TMEM237: variants seen among roughly 807,000 people sequenced by gnomAD.
TMEM237 encodes the protein transmembrane protein 237.
In TMEM237, 51 loss-of-function variants were observed where a neutral mutation model predicts 59.1. The observed-to-expected ratio is 0.86, with a 90% CI of 0.69 to 1.09. The LOEUF is 1.09. Ranked by LOEUF, TMEM237 falls within the 50% of genes least tolerant of loss-of-function variation. The probability of loss-of-function intolerance (pLI) is 0.00; values close to 1 mark genes in which losing one functional copy is unlikely to be tolerated. For missense variants in TMEM237, 475 were observed against 478.3 expected (o/e 0.99, Z 0.06); for synonymous variants, 140 against 166.1 (o/e 0.84, Z 1.21).
In TMEM237 at chr2:201,643,286, A is replaced by AC; in HGVS notation, c.42+72dup. 3.7e-6 allele frequency: 4 copies of AC among 1,083,402 alleles called. No homozygotes were observed. Among genetic ancestry groups the AC allele is most frequent in the South Asian group, 1.4e-5 (1 of 70,350 alleles). 67.1% of individuals were successfully genotyped at this position (1,083,402 alleles called of 1,614,324 possible). ...CCAGCTCGTTGGCGCCCCCCCACAC[A>AC]CACCCACCCCCACTGCCAAGTGTAG... On this transcript the variant is annotated intron_variant, in intron 1 of 12. Transcript: ENST00000409883. The surrounding 1 kb of genome is among the most constrained non-coding windows in gnomAD (Gnocchi z 4.3).
intron 9 of TMEM237, 128 bp downstream of exon 9, chr2:201,629,102 C>G: frequency 1.6e-6 from 1 of 639,440 alleles, no homozygotes; most frequent in South Asian, 5.5e-5. Flanking sequence ...AGTAGACTGG[C>G]CTTAAAACTT....
intron 5 of TMEM237, chr2:201,636,158 T>C (rs899808972): frequency 6.6e-6 from 1 of 152,248 alleles, no homozygotes; most frequent in African/African-American, 2.4e-5. Context: ...CTCTTATAAA[T>C]AACGCTGCAG....
At position 201,643,051 on chromosome 2, in the gene TMEM237, A is replaced by C; in HGVS notation, c.42+308T>G. The C allele has an allele frequency of 8.1e-7, 1 of 1,233,880 alleles. No individual in the cohort carries two copies. The highest frequency in any genetic ancestry group is 3.4e-5 in the East Asian group (1 of 29,132). 76.4% of individuals were successfully genotyped at this position (1,233,880 alleles called of 1,614,324 possible). A position where few individuals can be genotyped will look rare whatever the true frequency, so the allele number is the denominator to read the frequency against. On this transcript the variant is annotated intron_variant, in intron 1 of 12. Transcript: ENST00000409883. This position sits in a 1 kb window ranked among gnomAD's most constrained non-coding sequence, Gnocchi z 4.3. ...AGGAGTCTAGGAGAGGCCTGGCTGG[A>C]AGCCCCGGCACCCGCCGGGCCCCGG...
intron 12 of TMEM237, among the ~76,000 whole-genome samples, chr2:201,625,337 G>A (rs151218020): frequency 2.1e-3 from 321 of 151,752 alleles, no homozygotes; most frequent in African/African-American, 7.1e-3. Flanking sequence ...ACTCTGACCT[G>A]GGCGACACAG....
intron 9 of TMEM237, 36 bp downstream of exon 9, chr2:201,629,194 G>C (rs577841734): frequency 1.6e-5 from 23 of 1,427,056 alleles, no homozygotes; most frequent in Middle Eastern, 3.7e-4. Context: ...ATTTCCTCCT[G>C]AAGAAGTTAG....
In TMEM237 at chr2:201,635,570, T is replaced by C. The variant is rs186827573; in HGVS notation, c.274+1178A>G. On this transcript the variant is annotated intron_variant, in intron 5 of 12. Coordinates refer to ENST00000409883, the MANE Select transcript of TMEM237 (RefSeq NM_001044385.3). The surrounding 1 kb of genome is among the most constrained non-coding windows in gnomAD (Gnocchi z 4.5). ...TGAGGTCAGGAGTTCAAGACAAGCCTGGCCAACATGGCAAAACCCTGTCTC... is the reference window on the plus strand; with the variant it reads ...TGAGGTCAGGAGTTCAAGACAAGCCCGGCCAACATGGCAAAACCCTGTCTC... 3.6e-4 allele frequency among the ~76,000 whole-genome samples: 55 copies of C among 152,288 alleles called. No individual in the cohort carries two copies. The East Asian group carries it at 0.011, about 29-fold the overall frequency.
At chr2:201,629,167 G>T in intron 9 of TMEM237, 63 bp downstream of exon 9, 1 of 1,264,146 alleles carries the variant, frequency 7.9e-7, no homozygotes, top group Non-Finnish European at 1.1e-6. Context: ...CATGGTCAGT[G>T]ACACATTTTG....
At chr2:201,631,632 A>G (rs1957808492) in intron 7 of TMEM237, among the ~76,000 whole-genome samples, 1 of 152,188 alleles carries the variant, frequency 6.6e-6, no homozygotes, top group South Asian at 2.1e-4. Flanking sequence ...AGATCTTTAC[A>G]TTGCCCATAA....
At chr2:201,641,235 G>A (rs761438540) in intron 1 of TMEM237, among the ~76,000 whole-genome samples, 4 of 152,068 alleles carry the variant, frequency 2.6e-5, no homozygotes, top group Admixed American at 6.5e-5. Context: ...CAGGAAATCC[G>A]CCCACCTTGG....
intron 10 of TMEM237, 47 bp downstream of exon 10, chr2:201,628,029 G>C (rs559489761): frequency 3.0e-6 from 4 of 1,336,088 alleles, no homozygotes; most frequent in African/African-American, 2.9e-5. Flanking sequence ...CAAAATTATG[G>C]TATAACTGAA....
chr2:201,629,322 T>G lies in TMEM237; in HGVS notation c.777A>C (p.Ser259=). 1 of 1,612,116 alleles carries G rather than the reference T, an allele frequency of 6.2e-7. No homozygotes were observed. Among genetic ancestry groups the G allele is most frequent in the Non-Finnish European group, 8.5e-7 (1 of 1,179,368 alleles). The part of the protein sequence containing the change: ...VLAGDQLSNL[S]NLLQQYKTLA... Reference sequence around the variant, plus strand: ...GGGTCTTGTATTGTTGCAGAAGGTTTGAGAGGTTGGATAGCTGATCTCCTG... The same window carrying G: ...GGGTCTTGTATTGTTGCAGAAGGTTGGAGAGGTTGGATAGCTGATCTCCTG... Residue 259 remains serine, a synonymous_variant, in exon 9 of 13, where the codon TCA becomes TCC. Transcript: ENST00000409883.
At position 201,629,226 on chromosome 2, in the gene TMEM237, T is replaced by C. The variant is rs771107990; in HGVS notation, c.869+4A>G. On this transcript the variant is annotated splice_donor_region_variant and intron_variant, in intron 9 of 12. Coordinates refer to ENST00000409883, the MANE Select transcript of TMEM237 (RefSeq NM_001044385.3). The stretch of plus-strand genomic sequence containing the variant: ...TTAGACAGATCTGGAGTCATAGGCA[T>C]TACCTGTCAAAAGCTGAAATTGTAC... 6 of 1,549,512 alleles carry C rather than the reference T, an allele frequency of 3.9e-6. No homozygotes were observed. The highest frequency in any genetic ancestry group is 5.2e-6 in the Non-Finnish European group (6 of 1,154,972).
chr2:201,642,636 A>C lies in TMEM237; in HGVS notation c.42+723T>G. 1.2e-6 allele frequency: 2 copies of C among 1,608,412 alleles called. 1 individual carries two copies. Among genetic ancestry groups the C allele is most frequent in the South Asian group, 2.2e-5 (2 of 90,424 alleles). On this transcript the variant is annotated intron_variant, in intron 1 of 12. Coordinates refer to ENST00000409883, the MANE Select transcript of TMEM237 (RefSeq NM_001044385.3). ...CAGGATTCTTCCCCATTCTGCGTTT[A>C]GCCGGCCTCGGCGGCCGCCGGCCCC...
At position 201,640,246 on chromosome 2, in the gene TMEM237, A is replaced by C. The variant is rs182250754; in HGVS notation, c.79+15T>G. 7 of 1,552,622 alleles carry C rather than the reference A, an allele frequency of 4.5e-6. No homozygotes were observed. Among genetic ancestry groups the C allele is most frequent in the Non-Finnish European group, 5.2e-6 (6 of 1,159,750 alleles). On this transcript the variant is annotated intron_variant, in intron 3 of 12. Transcript: ENST00000409883. ...TTTGAACACCAAATATTATATTTAC[A>C]TTAAACTAACTCACCTTGACTAACA...
At position 201,629,425 on chromosome 2, in the gene TMEM237, A is replaced by C. The variant is rs762038534; in HGVS notation, c.678-4T>G. On this transcript the variant is annotated splice_region_variant and splice_polypyrimidine_tract_variant and intron_variant, in intron 8 of 12. Transcript: ENST00000409883. ...ATGAGAAAAGAGACCAATCATCCTG[A>C]ATGGAAAAGGGTTTGATTATTATAC... 28 of 1,550,378 alleles carry C rather than the reference A, an allele frequency of 1.8e-5. No individual in the cohort carries two copies. In the East Asian group the frequency reaches 6.1e-4, roughly 34 times the overall value.
intron 3 of TMEM237, 142 bp downstream of exon 3, chr2:201,640,119 G>A: frequency 1.6e-6 from 1 of 619,294 alleles, no homozygotes; most frequent in South Asian, 2.9e-5. Context: ...ATTTTTAAAT[G>A]GTAGTCATGG....
chr2:201,625,133 C>A (rs6435091), intron 12 of TMEM237, among the ~76,000 whole-genome samples: 2 of 151,850 alleles, frequency 1.3e-5, no homozygotes. Flanking sequence ...GAGGCCGAGG[C>A]GGGCGGATCA....
Position 201,640,008 on chromosome 2 carries a change from T to C in TMEM237, c.79+253A>G, listed in dbSNP as rs369694938. On this transcript the variant is annotated intron_variant, in intron 3 of 12. Coordinates refer to ENST00000409883, the MANE Select transcript of TMEM237 (RefSeq NM_001044385.3). ...ACAAAGGAAGGTGCAGTCCTCATTA[T>C]AGAGCTACAAATTAGCCAACAGTTA... is the stretch of plus-strand genomic sequence containing the variant. 1.0e-3 allele frequency among the ~76,000 whole-genome samples: 155 copies of C among 152,334 alleles called. 1 individual carries two copies. The highest frequency in any genetic ancestry group is 3.5e-3 in the African/African-American group (145 of 41,578).
chr2:201,629,886 CGA>C, intron 7 of TMEM237, 34 bp from the exon 8 acceptor site: 1 of 1,592,416 alleles, frequency 6.3e-7, no homozygotes. Flanking sequence ...TAACAACTAG[CGA>C]GAGAGAACCC....
Sources: allele counts gnomAD v4.1 joint callset (sites outside exome capture counted in the v4.1 genomes callset), GRCh38; gene constraint gnomAD v4.1.1; non-coding constraint Gnocchi (gnomAD v3.1); transcripts MANE v1.5; gene names NCBI Gene and HGNC (gene_info 2026-07-23, HGNC 2026-07-21).